Variants in LIFR observed in about 807,000 individuals in gnomAD.
LIFR encodes the protein leukemia inhibitory factor receptor.
A neutral mutation model predicts 122.2 loss-of-function variants in LIFR; 84 were observed. That is an observed-to-expected ratio of 0.69 (90% CI 0.58 to 0.82). The LOEUF (loss-of-function observed/expected upper bound fraction) is 0.82, where lower values mean the gene tolerates loss of function less well. Among genes scored for constraint, LIFR ranks in the 40% least tolerant of loss-of-function variants. LIFR has a pLI of 0.00. For missense variants in LIFR, 1,294 were observed against 1,311.6 expected, an observed-to-expected ratio of 0.99 and a Z score of 0.21; for synonymous variants, 422 against 434.7, an observed-to-expected ratio of 0.97 and a Z score of 0.36.
In LIFR at chr5:38,481,420, G is replaced by C; in HGVS notation, c.*175C>G. On this transcript the variant is annotated 3_prime_UTR_variant, in exon 20 of 20. Coordinates refer to ENST00000453190, the MANE Select transcript of LIFR (RefSeq NM_001127671.2). The stretch of plus-strand genomic sequence containing the variant: ...TGAGGATTCTGAGTCACTATACTTT[G>C]GCTTTTAGACTACATTAAAAGCACA... 1 of 696,424 alleles carries C rather than the reference G, an allele frequency of 1.4e-6. No individual in the cohort carries two copies. The highest frequency in any genetic ancestry group is 2.5e-5 in the Admixed American group (1 of 40,374). The allele number at this position is 696,424 out of a possible 1,614,324, so 43.1% of individuals were successfully genotyped here.
At chr5:38,567,496 GTATTTATTTATTTATTTATTTATT>G (rs56285132) in intron 1 of LIFR, among the ~76,000 whole-genome samples, 1 of 132,882 alleles carries the variant, frequency 7.5e-6, no homozygotes, top group Admixed American at 7.7e-5. Flanking sequence ...TGACCATTCT[GTATTTATTTATTTATTTATTTATT>G]TATTTATTTA....
At chr5:38,566,792 G>A (rs971442080) in intron 1 of LIFR, among the ~76,000 whole-genome samples, 1 of 152,036 alleles carries the variant, frequency 6.6e-6, no homozygotes, top group Admixed American at 6.6e-5. Flanking sequence ...TGGTGAATCT[G>A]TCCCCCATTC....
intron 1 of LIFR, chr5:38,555,128 T>C (rs372483282): frequency 6.6e-6 from 1 of 152,212 alleles, no homozygotes; most frequent in Non-Finnish European, 1.5e-5. Context: ...AGTTTCCAAA[T>C]GAACAGTTGC....
chr5:38,570,027 G>T (rs1322104881), intron 1 of LIFR, among the ~76,000 whole-genome samples: 1 of 152,096 alleles, frequency 6.6e-6, no homozygotes, highest in Non-Finnish European at 1.5e-5. Context: ...ATCCTGAGTG[G>T]CAGTATAGCA....
chr5:38,525,311 T>C (rs181072388), intron 4 of LIFR, among the ~76,000 whole-genome samples: 236 of 152,274 alleles, frequency 1.5e-3, no homozygotes, highest in African/African-American at 5.3e-3. Context: ...AAAGGTGAGT[T>C]AGAAGAAATC....
At chr5:38,546,222 G>C (rs1747886173) in intron 1 of LIFR, among the ~76,000 whole-genome samples, 1 of 152,048 alleles carries the variant, frequency 6.6e-6, no homozygotes, top group African/African-American at 2.4e-5. Flanking sequence ...ACATACTAAA[G>C]AATTTTTAGC....
intron 1 of LIFR, among the ~76,000 whole-genome samples, chr5:38,538,411 T>C (rs1399669223): frequency 6.6e-6 from 1 of 152,182 alleles, no homozygotes; most frequent in Non-Finnish European, 1.5e-5. Context: ...CTTAGACAAA[T>C]CCACTCAAGT....
intron 1 of LIFR, among the ~76,000 whole-genome samples, chr5:38,563,290 C>T (rs1748899667): frequency 6.6e-6 from 1 of 152,124 alleles, no homozygotes; most frequent in Non-Finnish European, 1.5e-5. Flanking sequence ...TTCTACCTAC[C>T]CAAGTAGTCT....
intron 1 of LIFR, among the ~76,000 whole-genome samples, chr5:38,543,253 T>C (rs1172106635): frequency 6.6e-6 from 1 of 152,036 alleles, no homozygotes; most frequent in Non-Finnish European, 1.5e-5. Context: ...ACAGGCCACA[T>C]GCTCCAGGGA....
rs1219109807 is a variant in LIFR, at chr5:38,478,032, A to G, written c.*3563T>C. On this transcript the variant is annotated 3_prime_UTR_variant, in exon 20 of 20. Transcript: ENST00000453190. Reference sequence around the variant, plus strand: ...TTTTAAAAATATTGACACGTTAAGGAGTATTTTACTTTCAAAATACCATAA... The same window carrying G: ...TTTTAAAAATATTGACACGTTAAGGGGTATTTTACTTTCAAAATACCATAA... 4.8e-6 allele frequency: 1 copy of G among 210,104 alleles called. No individual in the cohort carries two copies. The highest frequency in any genetic ancestry group is 9.7e-6 in the Non-Finnish European group (1 of 103,540). 13.0% of individuals were successfully genotyped at this position (210,104 alleles called of 1,614,324 possible). A position where few individuals can be genotyped will look rare whatever the true frequency, so the allele number is the denominator to read the frequency against.
At chr5:38,543,225 C>A (rs1049852814) in intron 1 of LIFR, among the ~76,000 whole-genome samples, 1 of 151,982 alleles carries the variant, frequency 6.6e-6, no homozygotes, top group Non-Finnish European at 1.5e-5. Flanking sequence ...GGAACCCAAC[C>A]TGTAGTTGTG....
chr5:38,586,174 G>A (rs1455697326), intron 1 of LIFR, among the ~76,000 whole-genome samples: 10 of 151,860 alleles, frequency 6.6e-5, no homozygotes, highest in Non-Finnish European at 1.3e-4. Context: ...TTGTCACCCG[G>A]GTGTCAATGA....
At position 38,503,833 on chromosome 5, in the gene LIFR, C is replaced by G. The variant is rs1007188342; in HGVS notation, c.1437+143G>C. On this transcript the variant is annotated intron_variant, in intron 10 of 19. Coordinates refer to ENST00000453190, the MANE Select transcript of LIFR (RefSeq NM_001127671.2). ...TTCAAATGATACAATGCTGTTATTA[C>G]ATGGATAGTAATGTCTTTCTTGGTT... The G allele has an allele frequency of 1.5e-5, 10 of 667,136 alleles. No homozygotes were observed. The African/African-American group carries it at 1.6e-4, about 11-fold the overall frequency. 41.3% of individuals were successfully genotyped at this position (667,136 alleles called of 1,614,324 possible).
At chr5:38,583,647 TA>T (rs1749657899) in intron 1 of LIFR, among the ~76,000 whole-genome samples, 1 of 152,146 alleles carries the variant, frequency 6.6e-6, no homozygotes, top group Non-Finnish European at 1.5e-5. Flanking sequence ...GTAAAGAAGC[TA>T]AACAGACATT....
chr5:38,607,580 C>T (rs1424895186), intron 1 of LIFR: 1 of 152,086 alleles, frequency 6.6e-6, no homozygotes, highest in Admixed American at 6.6e-5. Flanking sequence ...TTGAAAATTA[C>T]CATGCATTCC....
intron 1 of LIFR, among the ~76,000 whole-genome samples, chr5:38,543,341 AG>A (rs1747694623): frequency 6.6e-6 from 1 of 152,212 alleles, no homozygotes; most frequent in South Asian, 2.1e-4. Flanking sequence ...ATGAGGAAAT[AG>A]ATTAAGTGAC....
At chr5:38,498,588 G>A (rs181870740) in intron 12 of LIFR, among the ~76,000 whole-genome samples, 6 of 152,164 alleles carry the variant, frequency 3.9e-5, no homozygotes, top group Non-Finnish European at 5.9e-5. Flanking sequence ...CTTGGCAAAT[G>A]GCGGCACCAT....
intron 9 of LIFR, among the ~76,000 whole-genome samples, chr5:38,504,563 G>A (rs1480234475): frequency 6.6e-6 from 1 of 152,164 alleles, no homozygotes; most frequent in African/African-American, 2.4e-5. Context: ...CTTAAGATGA[G>A]CTATGCAGGA....
At chr5:38,529,450 T>C (rs1057117031) in intron 2 of LIFR, among the ~76,000 whole-genome samples, 1 of 152,098 alleles carries the variant, frequency 6.6e-6, no homozygotes, top group Non-Finnish European at 1.5e-5. Context: ...TAAACAGTAA[T>C]AAACTCATGA....
Sources: gnomAD v4.1 joint callset for allele counts (sites outside exome capture counted in the v4.1 genomes callset) on GRCh38, gnomAD v4.1.1 for gene constraint, MANE v1.5 for transcripts, NCBI Gene and HGNC (gene_info 2026-07-23, HGNC 2026-07-21) for gene names.